The following ABLIM2 variants were observed in gnomAD, a reference collection of about 807,000 sequenced individuals.
The protein encoded by ABLIM2 is actin-binding LIM protein 2.
Under a neutral mutation model 97.7 loss-of-function variants are expected in ABLIM2, and 53 were observed. The observed-to-expected ratio is 0.54, with a 90% CI of 0.44 to 0.68. ABLIM2 has a LOEUF of 0.68. ABLIM2 is among the 30% of genes least tolerant of loss of function. The pLI is 0.00. For missense variants in ABLIM2, 835 were observed against 867.2 expected, an observed-to-expected ratio of 0.96 and a Z score of 0.47; for synonymous variants, 361 against 345.8, an observed-to-expected ratio of 1.04 and a Z score of -0.49.
chr4:7,969,697 G>C (rs960076953), intron 20 of ABLIM2, among the ~76,000 whole-genome samples: 2 of 136,828 alleles, frequency 1.5e-5, no homozygotes, highest in Admixed American at 7.8e-5. Context: ...TTGAATCTGG[G>C]CTCAGAGTCA....
intron 1 of ABLIM2, among the ~76,000 whole-genome samples, chr4:8,146,362 C>T (rs754304983): frequency 1.4e-4 from 21 of 152,122 alleles, no homozygotes; most frequent in South Asian, 1.2e-3. Context: ...GACGTCACAA[C>T]TGATTTAACA....
At chr4:8,146,266 A>G (rs990728039) in intron 1 of ABLIM2, among the ~76,000 whole-genome samples, 4 of 152,196 alleles carry the variant, frequency 2.6e-5, no homozygotes, top group Admixed American at 2.6e-4. Flanking sequence ...AATCCTTTCA[A>G]TAACAACACG....
At chr4:7,984,104 G>A (rs1483880589) in intron 18 of ABLIM2, among the ~76,000 whole-genome samples, 1 of 145,802 alleles carries the variant, frequency 6.9e-6, no homozygotes, top group Non-Finnish European at 1.5e-5. Context: ...GGGCCTCCAC[G>A]CACACAGAAC....
intron 15 of ABLIM2, 125 bp from the exon 16 acceptor site, chr4:8,008,325 C>T (rs1762700119): frequency 4.4e-6 from 4 of 901,986 alleles, no homozygotes; most frequent in Non-Finnish European, 6.7e-6. Context: ...TGAGAAAACT[C>T]AATATGTGAG....
At position 7,986,944 on chromosome 4, in the gene ABLIM2, T is replaced by C. The variant is rs543793907; in HGVS notation, c.1681-2051A>G. 6.6e-6 allele frequency among the ~76,000 whole-genome samples: 1 copy of C among 152,210 alleles called. No individual in the cohort carries two copies. Among genetic ancestry groups the C allele is most frequent in the Non-Finnish European group, 1.5e-5 (1 of 68,042 alleles). On this transcript the variant is annotated intron_variant, in intron 17 of 20. Coordinates refer to ENST00000447017, the MANE Select transcript of ABLIM2 (RefSeq NM_001130083.2). The surrounding 1 kb of genome is among the most constrained non-coding windows in gnomAD (Gnocchi z 4.3). ...CGTTGGCCTCCCAAAGTGCTGGGATTATAGGCATAAGCCACTGCGCCCGGT... is the reference window on the plus strand; with the variant it reads ...CGTTGGCCTCCCAAAGTGCTGGGATCATAGGCATAAGCCACTGCGCCCGGT...
At chr4:8,055,602 G>A (rs1328882839) in intron 7 of ABLIM2, among the ~76,000 whole-genome samples, 1 of 152,218 alleles carries the variant, frequency 6.6e-6, no homozygotes, top group Non-Finnish European at 1.5e-5. Context: ...AGCCACACAG[G>A]CTAGCACATG....
chr4:8,100,936 G>C (rs1233638737), intron 2 of ABLIM2, among the ~76,000 whole-genome samples: 1 of 152,144 alleles, frequency 6.6e-6, no homozygotes, highest in African/African-American at 2.4e-5. Flanking sequence ...TGCATGGTGA[G>C]GAAAGTGCCC....
chr4:8,084,234 C>A (rs781140938), intron 4 of ABLIM2, among the ~76,000 whole-genome samples: 2 of 152,214 alleles, frequency 1.3e-5, no homozygotes, highest in Non-Finnish European at 1.5e-5. Context: ...CAGCGCACTG[C>A]GGTCAGGACT....
At chr4:8,057,687 C>G (rs1042958225) in intron 7 of ABLIM2, among the ~76,000 whole-genome samples, 3 of 152,226 alleles carry the variant, frequency 2.0e-5, no homozygotes, top group African/African-American at 7.2e-5. Context: ...TTAGCAGGAT[C>G]TAATGCCCCA....
chr4:8,091,069 T>G lies in ABLIM2; in HGVS notation c.339-2785A>C, dbSNP rs545397235. Among the ~76,000 whole-genome samples the G allele has an allele frequency of 4.0e-5, 6 of 151,076 alleles. No homozygotes were observed. In the East Asian group the frequency reaches 9.7e-4, roughly 25 times the overall value. ...CTGCCAAGCCGGTTTCCATGGCCGT[T>G]GTGCCATTCTGCATTCACAACGGCA... On this transcript the variant is annotated intron_variant, in intron 3 of 20. Coordinates refer to ENST00000447017, the MANE Select transcript of ABLIM2 (RefSeq NM_001130083.2).
chr4:8,019,094 C>T lies in ABLIM2; in HGVS notation c.1423+524G>A, dbSNP rs574775725. Among the ~76,000 whole-genome samples, 87 of 152,304 alleles carry T rather than the reference C, an allele frequency of 5.7e-4. No homozygotes were observed. Among genetic ancestry groups the T allele is most frequent in the African/African-American group, 1.9e-3 (81 of 41,562 alleles). ...CAGGTTCACGTGGAGCAGAGCTGGG[C>T]GTCAGCTCCTATTTGCTTATGCAAG... On this transcript the variant is annotated intron_variant, in intron 14 of 20. Transcript: ENST00000447017. This position sits in a 1 kb window ranked among gnomAD's most constrained non-coding sequence, Gnocchi z 4.3.
intron 20 of ABLIM2, among the ~76,000 whole-genome samples, chr4:7,968,723 T>C (rs1167232848): frequency 1.3e-5 from 2 of 152,206 alleles, no homozygotes; most frequent in African/African-American, 4.8e-5. Flanking sequence ...GGGTTTCCTC[T>C]TGTGGTGAAG....
chr4:7,966,035 G>T lies in ABLIM2; in HGVS notation c.*955C>A, dbSNP rs1000665383. 25 of 152,158 alleles carry T rather than the reference G, an allele frequency of 1.6e-4. No individual in the cohort carries two copies. The highest frequency in any genetic ancestry group is 6.0e-4 in the African/African-American group (25 of 41,442). 9.4% of individuals were successfully genotyped at this position (152,158 alleles called of 1,614,324 possible). Reference sequence around the variant, plus strand: ...CAAGACTTGGAAAAATAACAGCAAGGAAAACAGTGGTGGCTATACCTCACA... The same window carrying T: ...CAAGACTTGGAAAAATAACAGCAAGTAAAACAGTGGTGGCTATACCTCACA... On this transcript the variant is annotated 3_prime_UTR_variant, in exon 21 of 21. Transcript: ENST00000447017.
chr4:8,037,896 G>C (rs769921362), intron 9 of ABLIM2, among the ~76,000 whole-genome samples: 1 of 152,192 alleles, frequency 6.6e-6, no homozygotes, highest in East Asian at 1.9e-4. Flanking sequence ...GGTCCAGCTG[G>C]TGTGTGCTGC....
At chr4:8,080,149 T>C (rs925861186) in intron 5 of ABLIM2, among the ~76,000 whole-genome samples, 1 of 152,110 alleles carries the variant, frequency 6.6e-6, no homozygotes, top group Non-Finnish European at 1.5e-5. Flanking sequence ...TTGTGGGACA[T>C]GTTTGGTGTC....
rs548621155 is a variant in ABLIM2 at position 7,992,141 on chromosome 4, C to T, written c.1680+725G>A. ...GCCTGCCCCACCCTAAGGATCCTCA[C>T]TGGGGACCCCTGTGACGCTGTGGGC... On this transcript the variant is annotated intron_variant, in intron 17 of 20. Coordinates refer to ENST00000447017, the MANE Select transcript of ABLIM2 (RefSeq NM_001130083.2). This position sits in a 1 kb window ranked among gnomAD's most constrained non-coding sequence, Gnocchi z 5.7. Among the ~76,000 whole-genome samples the T allele has an allele frequency of 2.4e-3, 370 of 152,194 alleles. No homozygotes were observed. Among genetic ancestry groups the T allele is most frequent in the South Asian group, 8.5e-3 (41 of 4,810 alleles).
At chr4:8,028,094 C>T (rs576098201) in intron 11 of ABLIM2, among the ~76,000 whole-genome samples, 3 of 152,366 alleles carry the variant, frequency 2.0e-5, no homozygotes, top group African/African-American at 4.8e-5. Context: ...GAGCCTTGGG[C>T]TGGGGTTCCC....
At chr4:8,153,170 G>A in intron 1 of ABLIM2, among the ~76,000 whole-genome samples, 1 of 152,162 alleles carries the variant, frequency 6.6e-6, no homozygotes, top group East Asian at 1.9e-4. Context: ...TTCCTCTCGA[G>A]CTCAGAGGTC....
intron 7 of ABLIM2, among the ~76,000 whole-genome samples, chr4:8,057,059 C>G (rs1383437833): frequency 2.0e-5 from 3 of 150,418 alleles, no homozygotes; most frequent in African/African-American, 7.3e-5. Flanking sequence ...TACTCCTCTC[C>G]TGATCTTTCT....
Sources: allele counts gnomAD v4.1 joint callset (sites outside exome capture counted in the v4.1 genomes callset), GRCh38; gene constraint gnomAD v4.1.1; non-coding constraint Gnocchi (gnomAD v3.1); transcripts MANE v1.5; gene names NCBI Gene and HGNC (gene_info 2026-07-23, HGNC 2026-07-21).